CEP85: variants seen among roughly 807,000 people sequenced by gnomAD.
The protein encoded by CEP85 is centrosomal protein 85, also known as centrosomal protein of 85 kDa.
Under a neutral mutation model 93.7 loss-of-function variants are expected in CEP85, and 58 were observed. The observed-to-expected ratio is 0.62, with a 90% CI of 0.50 to 0.77. The LOEUF is 0.77. Ranked by LOEUF, CEP85 falls within the 30% of genes least tolerant of loss-of-function variation. CEP85 has a pLI of 0.00. For missense variants in CEP85, 868 were observed against 922.0 expected (o/e 0.94, Z 0.76); for synonymous variants, 314 against 338.6 (o/e 0.93, Z 0.80).
chr1:26,261,178 T>G (rs951473646), intron 7 of CEP85, among the ~76,000 whole-genome samples: 1 of 151,802 alleles, frequency 6.6e-6, no homozygotes. Context: ...AAAGAAAATT[T>G]AAAGTTGAGT....
intron 3 of CEP85, among the ~76,000 whole-genome samples, chr1:26,254,087 G>A (rs1467196647): frequency 6.6e-6 from 1 of 152,136 alleles, no homozygotes; most frequent in Non-Finnish European, 1.5e-5. Flanking sequence ...TTATCTGAGT[G>A]TTCTCTGTGT....
chr1:26,259,107 G>T (rs1175955330), intron 6 of CEP85, among the ~76,000 whole-genome samples: 29 of 152,206 alleles, frequency 1.9e-4, no homozygotes, highest in Admixed American at 1.8e-3. Flanking sequence ...GAATCAGAAT[G>T]TTAAGAGTGG....
chr1:26,244,838 G>C (rs959481283), intron 3 of CEP85, among the ~76,000 whole-genome samples: 1 of 152,038 alleles, frequency 6.6e-6, no homozygotes, highest in Non-Finnish European at 1.5e-5. Flanking sequence ...ACAACTTTCT[G>C]ATAGGTTAAT....
At position 26,257,682 on chromosome 1, in the gene CEP85, T is replaced by TG; in HGVS notation, c.990dup (p.Asn331GlufsTer3). 1.9e-6 allele frequency: 3 copies of TG among 1,614,162 alleles called. No homozygotes were observed. Among genetic ancestry groups the TG allele is most frequent in the Non-Finnish European group, 2.5e-6 (3 of 1,180,018 alleles). On this transcript the variant is annotated frameshift_variant, in exon 5 of 14. Transcript: ENST00000451429. LOFTEE classifies it high-confidence loss of function. ...GAGCCAGCACAGTGGATCAGCATCT[T>TG]GAACAGTAATGAACACCTTCTGAAG...
chr1:26,241,087 C>G (rs762063535), intron 2 of CEP85, among the ~76,000 whole-genome samples: 17 of 151,986 alleles, frequency 1.1e-4, no homozygotes, highest in Non-Finnish European at 2.4e-4. Context: ...TTTAATTCAA[C>G]TCAGGGTATG....
intron 2 of CEP85, among the ~76,000 whole-genome samples, chr1:26,241,674 A>G (rs17163749): frequency 0.17 from 25,140 of 152,094 alleles, 2,179 homozygotes; most frequent in Middle Eastern, 0.21. Context: ...TCTCTCTTCA[A>G]TAGTATCTCA....
intron 3 of CEP85, among the ~76,000 whole-genome samples, chr1:26,250,925 C>CTTTTTTTTTTTTTTTTTTTTT: frequency 1.8e-5 from 1 of 55,134 alleles, no homozygotes; most frequent in East Asian, 5.8e-4. Context: ...TTTTTTTTTT[C>CTTTTTTTTTTTTTTTTTTTTT]TTTTTTCTTT....
intron 3 of CEP85, among the ~76,000 whole-genome samples, 187 bp downstream of exon 3, chr1:26,244,505 A>G (rs1486367171): frequency 4.6e-5 from 7 of 151,824 alleles, no homozygotes; most frequent in African/African-American, 1.7e-4. Flanking sequence ...CTAAATTTCT[A>G]CTTTTTATCT....
chr1:26,234,461 C>T (rs906194194), intron 1 of CEP85, among the ~76,000 whole-genome samples, 151 bp downstream of exon 1: 1 of 152,202 alleles, frequency 6.6e-6, no homozygotes, highest in Non-Finnish European at 1.5e-5. Flanking sequence ...AGCCAGTGCC[C>T]CGGCATACGC....
Position 26,275,060 on chromosome 1 carries a change from G to T in CEP85, c.1891G>T (p.Ala631Ser), listed in dbSNP as rs1256896870. The T allele has an allele frequency of 1.3e-6, 2 of 1,573,458 alleles. No homozygotes were observed. Among genetic ancestry groups the T allele is most frequent in the East Asian group, 2.4e-5 (1 of 42,366 alleles). Residue 631 changes from alanine to serine, a missense_variant, in exon 12 of 14, where the codon GCC becomes TCC. Coordinates refer to ENST00000451429, the MANE Select transcript of CEP85 (RefSeq NM_001319944.2). ...TTCAGCCCTGCAGCAGCTGCGCACA[G>T]CCGTGAAGGAGGTGAGCAACATTAG... The part of the protein sequence containing the change: ...RDSALQQLRT[A>S]VKELSVQNQD...
At chr1:26,258,698 G>A (rs1162298671) in intron 6 of CEP85, among the ~76,000 whole-genome samples, 21 of 151,940 alleles carry the variant, frequency 1.4e-4, no homozygotes. Flanking sequence ...CCGGGTTCAA[G>A]CAATTCTCCT....
chr1:26,238,202 C>CTTTTTTTTTTTTTT (rs67466493), intron 1 of CEP85, among the ~76,000 whole-genome samples: 5 of 88,302 alleles, frequency 5.7e-5, no homozygotes, highest in Non-Finnish European at 8.6e-5. Context: ...GTCCCAAACT[C>CTTTTTTTTTTTTTT]TTTTTTTTTT....
intron 3 of CEP85, among the ~76,000 whole-genome samples, chr1:26,252,229 C>T (rs1380130254): frequency 6.7e-6 from 1 of 148,534 alleles, no homozygotes; most frequent in Non-Finnish European, 1.5e-5. Context: ...AGTGAGACCC[C>T]ATCTCAAAAA....
At chr1:26,261,510 AAAT>A (rs2089808016) in intron 7 of CEP85, among the ~76,000 whole-genome samples, 1 of 152,158 alleles carries the variant, frequency 6.6e-6, no homozygotes, top group Non-Finnish European at 1.5e-5. Flanking sequence ...GAGTTTAAAA[AAAT>A]AATAATTTAT....
intron 3 of CEP85, among the ~76,000 whole-genome samples, chr1:26,245,335 T>C (rs1192199422): frequency 6.6e-6 from 1 of 152,132 alleles, no homozygotes; most frequent in Non-Finnish European, 1.5e-5. Context: ...CATACCCAGC[T>C]GGTTTTTGGT....
chr1:26,255,574 A>G lies in CEP85; in HGVS notation c.612A>G (p.Arg204=). 6.2e-7 allele frequency: 1 copy of G among 1,614,160 alleles called. No homozygotes were observed. Among genetic ancestry groups the G allele is most frequent in the Non-Finnish European group, 8.5e-7 (1 of 1,180,032 alleles). The change falls in exon 4 of 14, where the codon CGA becomes CGG. Residue 204 remains arginine, a synonymous_variant. Coordinates refer to ENST00000451429, the MANE Select transcript of CEP85 (RefSeq NM_001319944.2). ...METLYSDPHH[R]VRFHNPRTST... The stretch of plus-strand genomic sequence containing the variant: ...CACTTTATTCAGATCCTCACCACCG[A>G]GTCCGCTTCCACAACCCAAGAACCA...
intron 1 of CEP85, among the ~76,000 whole-genome samples, chr1:26,238,414 T>A (rs1569952873): frequency 6.6e-6 from 1 of 152,024 alleles, no homozygotes; most frequent in East Asian, 1.9e-4. Flanking sequence ...TTGGCTGGTC[T>A]CGAACTCCTG....
chr1:26,277,718 A>G lies in CEP85; in HGVS notation c.*425A>G, dbSNP rs1036564425. Reference sequence around the variant, plus strand: ...AAAGGCTGAGCAAGTACCAGTGACAATGGCCATTTAAGAATTCTCAGGCCC... The same window carrying G: ...AAAGGCTGAGCAAGTACCAGTGACAGTGGCCATTTAAGAATTCTCAGGCCC... On this transcript the variant is annotated 3_prime_UTR_variant, in exon 14 of 14. Coordinates refer to ENST00000451429, the MANE Select transcript of CEP85 (RefSeq NM_001319944.2). 1.3e-5 allele frequency: 2 copies of G among 155,812 alleles called. No homozygotes were observed. Among genetic ancestry groups the G allele is most frequent in the African/African-American group, 4.8e-5 (2 of 41,462 alleles). 9.7% of individuals were successfully genotyped at this position (155,812 alleles called of 1,614,324 possible). A position where few individuals can be genotyped will look rare whatever the true frequency, so the allele number is the denominator to read the frequency against.
intron 11 of CEP85, among the ~76,000 whole-genome samples, chr1:26,272,778 A>G (rs10794526): frequency 0.88 from 133,153 of 151,754 alleles, 59,362 homozygotes; most frequent in Non-Finnish European, 0.93. Flanking sequence ...ACGGGTGCCC[A>G]CCATCACGCC....
Sources: gnomAD v4.1 joint callset for allele counts (sites outside exome capture counted in the v4.1 genomes callset) on GRCh38, gnomAD v4.1.1 for gene constraint, MANE v1.5 for transcripts, NCBI Gene and HGNC (gene_info 2026-07-23, HGNC 2026-07-21) for gene names.